The following DCLK1 variants were observed in gnomAD, a reference collection of about 807,000 sequenced individuals.
The protein encoded by DCLK1 is doublecortin like kinase 1.
DCLK1 carries 16 observed loss-of-function variants against 86.2 expected under a neutral mutation model. That is an observed-to-expected ratio of 0.19 (90% CI 0.13 to 0.28). The LOEUF is 0.28. Among genes scored for constraint, DCLK1 ranks in the 10% least tolerant of loss-of-function variants. The pLI is 1.00. For synonymous variants in DCLK1, 369 were observed against 370.5 expected (o/e 1.00, Z 0.05); for missense variants, 590 against 940.2 (o/e 0.63, Z 4.87).
chr13:36,088,515 G>A (rs1884697960), intron 3 of DCLK1, among the ~76,000 whole-genome samples: 1 of 152,214 alleles, frequency 6.6e-6, no homozygotes, highest in African/African-American at 2.4e-5. Flanking sequence ...GGAAATGAAA[G>A]GACAGGCTCT....
intron 10 of DCLK1, among the ~76,000 whole-genome samples, chr13:35,825,946 G>A (rs1255479507): frequency 6.6e-6 from 1 of 151,798 alleles, no homozygotes; most frequent in African/African-American, 2.4e-5. Context: ...CCAAGTAGCT[G>A]GGATTACAGG....
chr13:35,817,141 G>A (rs2087286933), intron 11 of DCLK1, among the ~76,000 whole-genome samples: 1 of 152,172 alleles, frequency 6.6e-6, no homozygotes, highest in African/African-American at 2.4e-5. Context: ...AAGGAGCAGT[G>A]AATTAGACAA....
intron 4 of DCLK1, among the ~76,000 whole-genome samples, chr13:35,910,235 G>A (rs1874934171): frequency 6.6e-6 from 1 of 152,134 alleles, no homozygotes; most frequent in South Asian, 2.1e-4. Flanking sequence ...TGAAATGCAC[G>A]AACAGTCAAC....
chr13:35,793,644 C>A (rs1043298465), intron 15 of DCLK1, among the ~76,000 whole-genome samples, 165 bp from the exon 16 acceptor site: 1 of 152,126 alleles, frequency 6.6e-6, no homozygotes, highest in Non-Finnish European at 1.5e-5. Flanking sequence ...AAGTACTGCT[C>A]CAAGGTCTCA....
chr13:35,781,826 C>A (rs1423487032), intron 16 of DCLK1, among the ~76,000 whole-genome samples: 7 of 152,190 alleles, frequency 4.6e-5, no homozygotes, highest in African/African-American at 1.4e-4. Flanking sequence ...TCTGTGGGGA[C>A]TACATTACGA....
intron 3 of DCLK1, among the ~76,000 whole-genome samples, chr13:36,013,869 C>T (rs1311644408): frequency 1.3e-5 from 2 of 152,214 alleles, no homozygotes; most frequent in Non-Finnish European, 2.9e-5. Flanking sequence ...GCTGTGCTAG[C>T]AATCAGCGAG....
At chr13:35,790,624 T>G (rs935030120) in intron 16 of DCLK1, among the ~76,000 whole-genome samples, 1 of 152,150 alleles carries the variant, frequency 6.6e-6, no homozygotes, top group African/African-American at 2.4e-5. Flanking sequence ...TGAAACCAGT[T>G]TTTGTAAATC....
chr13:35,938,208 G>A (rs530506212), intron 4 of DCLK1, among the ~76,000 whole-genome samples: 2 of 152,274 alleles, frequency 1.3e-5, no homozygotes, highest in African/African-American at 4.8e-5. Context: ...TTGACCATAG[G>A]GAAGGGGTAG....
rs748395648 is a variant in DCLK1, at chr13:35,838,065, C to CA, written c.1120+1026dup. On this transcript the variant is annotated intron_variant, in intron 7 of 16. Transcript: ENST00000360631. ...TGAGAGACAGAGCGAGACTCCATCT[C>CA]AAAAAAAAAAAGAAAAGAAAAGAAA... 1.1e-3 allele frequency among the ~76,000 whole-genome samples: 110 copies of CA among 100,292 alleles called. 4 individuals carry two copies. The highest frequency in any genetic ancestry group is 2.3e-3 in the South Asian group (7 of 3,036). 65.8% of individuals were successfully genotyped at this position (100,292 alleles called of 152,430 possible).
In DCLK1 at chr13:35,851,703, G is replaced by A. The variant is rs188216829; in HGVS notation, c.1035+2796C>T. On this transcript the variant is annotated intron_variant, in intron 6 of 16. Transcript: ENST00000360631. ...ACAGCAACTTAAATAACTCTGCTTC[G>A]GAAAAATAGGTTACTTGGTACATTG... Among the ~76,000 whole-genome samples the A allele has an allele frequency of 2.6e-5, 4 of 152,192 alleles. No individual in the cohort carries two copies. In the East Asian group the frequency reaches 5.8e-4, roughly 22 times the overall value.
chr13:36,047,075 A>G (rs759470562), intron 3 of DCLK1, among the ~76,000 whole-genome samples: 6 of 152,238 alleles, frequency 3.9e-5, no homozygotes, highest in Non-Finnish European at 7.3e-5. Context: ...CAGGTATACA[A>G]AAATATGCTC....
At chr13:36,043,709 A>G (rs1238049889) in intron 3 of DCLK1, among the ~76,000 whole-genome samples, 1 of 152,238 alleles carries the variant, frequency 6.6e-6, no homozygotes, top group Non-Finnish European at 1.5e-5. Context: ...ATCAGATTTT[A>G]TAATTGCAAC....
intron 3 of DCLK1, among the ~76,000 whole-genome samples, chr13:35,966,428 T>C (rs1282355159): frequency 6.6e-6 from 1 of 151,844 alleles, no homozygotes. Context: ...AAATATGACA[T>C]AACCATAAAA....
At chr13:36,014,954 C>A (rs1332033027) in intron 3 of DCLK1, among the ~76,000 whole-genome samples, 1 of 151,894 alleles carries the variant, frequency 6.6e-6, no homozygotes, top group Non-Finnish European at 1.5e-5. Context: ...TTTCCCCTAC[C>A]ATGTTCTAAT....
chr13:36,109,165 G>T (rs1240176423), intron 3 of DCLK1, among the ~76,000 whole-genome samples: 1 of 152,182 alleles, frequency 6.6e-6, no homozygotes, highest in South Asian at 2.1e-4. Context: ...TTCCTCTGCA[G>T]CTTTTCACTG....
chr13:35,888,198 G>A (rs1020957257), intron 4 of DCLK1, among the ~76,000 whole-genome samples: 4 of 151,998 alleles, frequency 2.6e-5, no homozygotes, highest in African/African-American at 7.3e-5. Context: ...TCCTTTTAAT[G>A]AGAAGTATCC....
At chr13:35,975,870 GCC>G (rs1265388937) in intron 3 of DCLK1, among the ~76,000 whole-genome samples, 1 of 152,086 alleles carries the variant, frequency 6.6e-6, no homozygotes, top group Non-Finnish European at 1.5e-5. Context: ...TCTGAAAGTG[GCC>G]ATCTACTCGT....
At chr13:35,988,258 T>A (rs1880042140) in intron 3 of DCLK1, among the ~76,000 whole-genome samples, 1 of 152,212 alleles carries the variant, frequency 6.6e-6, no homozygotes, top group African/African-American at 2.4e-5. Context: ...CATGCTGACA[T>A]CAGCCCCTGC....
intron 4 of DCLK1, among the ~76,000 whole-genome samples, chr13:35,884,499 T>G (rs1180375868): frequency 6.6e-6 from 1 of 151,986 alleles, no homozygotes; most frequent in Non-Finnish European, 1.5e-5. Flanking sequence ...AGCTAGAAAA[T>G]GAATAAGAAT....
Sources: gnomAD v4.1 joint callset for allele counts (sites outside exome capture counted in the v4.1 genomes callset) on GRCh38, gnomAD v4.1.1 for gene constraint, MANE v1.5 for transcripts, NCBI Gene and HGNC (gene_info 2026-07-23, HGNC 2026-07-21) for gene names.